The following EPHA3 variants were observed in gnomAD, a reference collection of about 807,000 sequenced individuals.
The protein encoded by EPHA3 is ephrin type-A receptor 3.
A neutral mutation model predicts 107.1 loss-of-function variants in EPHA3; 42 were observed. The observed-to-expected ratio is 0.39, with a 90% CI of 0.31 to 0.51. EPHA3 has a LOEUF of 0.51. Ranked by LOEUF, EPHA3 falls within the 20% of genes least tolerant of loss-of-function variation. The probability of loss-of-function intolerance (pLI) is 0.78; values close to 1 mark genes in which losing one functional copy is unlikely to be tolerated. For missense variants in EPHA3, 1,183 were observed against 1,211.2 expected, an observed-to-expected ratio of 0.98 and a Z score of 0.35; for synonymous variants, 461 against 424.8, an observed-to-expected ratio of 1.09 and a Z score of -1.05.
chr3:89,329,920 A>T (rs913390425), intron 3 of EPHA3, among the ~76,000 whole-genome samples: 1 of 152,004 alleles, frequency 6.6e-6, no homozygotes, highest in Non-Finnish European at 1.5e-5. Context: ...GTTTTTAAAA[A>T]TATTTTTATT....
chr3:89,142,431 A>G (rs1226799688), intron 2 of EPHA3, among the ~76,000 whole-genome samples: 4 of 151,454 alleles, frequency 2.6e-5, no homozygotes, highest in African/African-American at 9.7e-5. Flanking sequence ...AGGCACTTAT[A>G]AGTAAATGAG....
chr3:89,130,345 C>G (rs1704179905), intron 2 of EPHA3, among the ~76,000 whole-genome samples: 1 of 152,086 alleles, frequency 6.6e-6, no homozygotes, highest in Non-Finnish European at 1.5e-5. Flanking sequence ...TCTCTAACTT[C>G]CAATCATATT....
At chr3:89,292,660 A>G (rs963624806) in intron 3 of EPHA3, among the ~76,000 whole-genome samples, 1 of 152,186 alleles carries the variant, frequency 6.6e-6, no homozygotes, top group Non-Finnish European at 1.5e-5. Flanking sequence ...TAGCATATCA[A>G]TTCAGAACCC....
chr3:89,262,699 G>C (rs1705443851), intron 3 of EPHA3, among the ~76,000 whole-genome samples: 1 of 152,214 alleles, frequency 6.6e-6, no homozygotes, highest in South Asian at 2.1e-4. Flanking sequence ...CTAACAGGAG[G>C]GAGTGCGTAA....
chr3:89,344,651 G>C (rs1414289374), intron 5 of EPHA3, among the ~76,000 whole-genome samples: 1 of 152,088 alleles, frequency 6.6e-6, no homozygotes, highest in East Asian at 1.9e-4. Flanking sequence ...CCTACCACTG[G>C]AAGGATATGG....
chr3:89,247,906 C>T (rs1490949099), intron 3 of EPHA3, among the ~76,000 whole-genome samples: 1 of 152,066 alleles, frequency 6.6e-6, no homozygotes. Flanking sequence ...GATGTAAGGA[C>T]CTTGGGCAAT....
At chr3:89,256,862 G>A (rs1705298708) in intron 3 of EPHA3, among the ~76,000 whole-genome samples, 1 of 152,170 alleles carries the variant, frequency 6.6e-6, no homozygotes, top group African/African-American at 2.4e-5. Flanking sequence ...TAATGAATCT[G>A]AATCTATAGG....
chr3:89,390,672 T>C lies in EPHA3; in HGVS notation c.1307-5165T>C, dbSNP rs575129494. 2.6e-5 allele frequency among the ~76,000 whole-genome samples: 4 copies of C among 151,958 alleles called. 1 individual carries two copies. The South Asian group carries it at 8.3e-4, about 32-fold the overall frequency. ...ATGTCAACTAGTCATTGCATGTTGC[T>C]GATTCAAGAGGCTGTCATTGCAGTG... On this transcript the variant is annotated intron_variant, in intron 5 of 16. Transcript: ENST00000336596.
intron 3 of EPHA3, among the ~76,000 whole-genome samples, chr3:89,258,610 A>G (rs1441308051): frequency 2.0e-5 from 3 of 152,238 alleles, no homozygotes; most frequent in Non-Finnish European, 4.4e-5. Flanking sequence ...GAAAATACAG[A>G]CATAAAGAAA....
chr3:89,407,752 T>C (rs1709082572), intron 8 of EPHA3, among the ~76,000 whole-genome samples: 1 of 152,218 alleles, frequency 6.6e-6, no homozygotes, highest in South Asian at 2.1e-4. Flanking sequence ...ATAGAGACTT[T>C]ACCCTTCATT....
intron 3 of EPHA3, among the ~76,000 whole-genome samples, chr3:89,324,468 T>C (rs558295865): frequency 2.6e-5 from 4 of 152,122 alleles, no homozygotes; most frequent in Admixed American, 1.3e-4. Context: ...ATTAAAGACA[T>C]GACCCACAGC....
rs1018971646 is a variant in EPHA3 at position 89,358,142 on chromosome 3, CT to C, written c.1306+16060del. Among the ~76,000 whole-genome samples the C allele has an allele frequency of 1.5e-4, 22 of 150,756 alleles. 1 individual carries two copies. Among genetic ancestry groups the C allele is most frequent in the East Asian group, 1.2e-3 (6 of 5,162 alleles). ...TCTAACAGATATGAAAGAAGAGAGA[CT>C]TTTTTTTACTAAAATATTTGAACAG... On this transcript the variant is annotated intron_variant, in intron 5 of 16. Coordinates refer to ENST00000336596, the MANE Select transcript of EPHA3 (RefSeq NM_005233.6).
In EPHA3 at chr3:89,117,125, A is replaced by G. The variant is rs117959369; in HGVS notation, c.88+9289A>G. Among the ~76,000 whole-genome samples the G allele has an allele frequency of 8.1e-4, 123 of 152,244 alleles. 1 individual carries two copies. In the East Asian group the frequency reaches 0.014, roughly 17 times the overall value. ...TATTACTGAGAAGTTTAGTTGGTCA[A>G]TATCAAAACTGTTTCTTCTCGATTT... On this transcript the variant is annotated intron_variant, in intron 1 of 16. Transcript: ENST00000336596.
rs139883198 is a variant in EPHA3 at position 89,387,998 on chromosome 3, G to C, written c.1307-7839G>C. Among the ~76,000 whole-genome samples the C allele has an allele frequency of 1.6e-3, 236 of 151,968 alleles. 9 individuals carry two copies. The highest frequency in any genetic ancestry group is 0.013 in the East Asian group (67 of 5,176). On this transcript the variant is annotated intron_variant, in intron 5 of 16. Coordinates refer to ENST00000336596, the MANE Select transcript of EPHA3 (RefSeq NM_005233.6). ...TCAAAAAATCGGGGGAGGAAATTCT[G>C]GTCAAAATTTATTTTCAGTGTATTA... is the stretch of plus-strand genomic sequence containing the variant.
In EPHA3 at chr3:89,227,519, T is replaced by A. The variant is rs112563110; in HGVS notation, c.814+16999T>A. On this transcript the variant is annotated intron_variant, in intron 3 of 16. Coordinates refer to ENST00000336596, the MANE Select transcript of EPHA3 (RefSeq NM_005233.6). ...ACGAGAGACTGAATATTTAAGTCGGTGTTTAACACATTATGGAAAACATGT... is the reference window on the plus strand; with the variant it reads ...ACGAGAGACTGAATATTTAAGTCGGAGTTTAACACATTATGGAAAACATGT... Among the ~76,000 whole-genome samples, 16 of 152,142 alleles carry A rather than the reference T, an allele frequency of 1.1e-4. 1 individual carries two copies. Among genetic ancestry groups the A allele is most frequent in the African/African-American group, 3.8e-4 (16 of 41,576 alleles).
intron 13 of EPHA3, among the ~76,000 whole-genome samples, chr3:89,438,459 C>T (rs939010753): frequency 2.6e-5 from 4 of 151,968 alleles, no homozygotes; most frequent in African/African-American, 7.3e-5. Context: ...AGTGGCTAAG[C>T]AAGTGGTTAA....
At chr3:89,345,064 A>G (rs781075252) in intron 5 of EPHA3, among the ~76,000 whole-genome samples, 5 of 151,142 alleles carry the variant, frequency 3.3e-5, no homozygotes, top group Non-Finnish European at 7.4e-5. Context: ...GAGTATATTC[A>G]TCTTTTTTTT....
chr3:89,211,925 G>T (rs1359823170), intron 3 of EPHA3, among the ~76,000 whole-genome samples: 1 of 151,680 alleles, frequency 6.6e-6, no homozygotes, highest in South Asian at 2.1e-4. Flanking sequence ...TTTAGAGAGA[G>T]AAAATAAAGG....
At chr3:89,115,773 T>C (rs563155938) in intron 1 of EPHA3, among the ~76,000 whole-genome samples, 117 of 152,264 alleles carry the variant, frequency 7.7e-4, no homozygotes, top group Non-Finnish European at 1.6e-3. Flanking sequence ...AGAAAATGGA[T>C]CATAATAAAG....
Sources: allele counts gnomAD v4.1 joint callset (sites outside exome capture counted in the v4.1 genomes callset), GRCh38; gene constraint gnomAD v4.1.1; transcripts MANE v1.5; gene names NCBI Gene and HGNC (gene_info 2026-07-23, HGNC 2026-07-21).